Variants in ACAD11 observed in about 807,000 individuals in gnomAD.
ACAD11 encodes the protein acyl-Coenzyme A dehydrogenase family, member 11.
ACAD11 carries 83 observed loss-of-function variants against 102.2 expected under a neutral mutation model. The observed-to-expected ratio is 0.81, with a 90% confidence interval of 0.68 to 0.97. The LOEUF (loss-of-function observed/expected upper bound fraction) is 0.97. Among genes scored for constraint, ACAD11 ranks in the 50% least tolerant of loss-of-function variants. ACAD11 has a pLI of 0.00. For synonymous variants in ACAD11, 324 were observed against 319.8 expected, an observed-to-expected ratio of 1.01 and a Z score of -0.14; for missense variants, 901 against 951.7, an observed-to-expected ratio of 0.95 and a Z score of 0.70.
intron 1 of ACAD11, among the ~76,000 whole-genome samples, chr3:132,658,236 T>C (rs1200055187): frequency 1.3e-5 from 2 of 152,182 alleles, no homozygotes; most frequent in African/African-American, 4.8e-5. Context: ...CTATGTGTTT[T>C]CAATTTTTAT....
chr3:132,562,350 G>T (rs997496680), intron 17 of ACAD11, among the ~76,000 whole-genome samples: 6 of 152,168 alleles, frequency 3.9e-5, no homozygotes, highest in African/African-American at 1.4e-4. Flanking sequence ...TGATCTGCCT[G>T]CCTCGGCCTC....
At position 132,656,666 on chromosome 3, in the gene ACAD11, G is replaced by A. The variant is rs141805911; in HGVS notation, c.149+2937C>T. Among the ~76,000 whole-genome samples, 108 of 151,884 alleles carry A rather than the reference G, an allele frequency of 7.1e-4. 1 individual carries two copies. The highest frequency in any genetic ancestry group is 2.0e-3 in the African/African-American group (83 of 41,432). On this transcript the variant is annotated intron_variant, in intron 1 of 19. Coordinates refer to ENST00000264990, the MANE Select transcript of ACAD11 (RefSeq NM_032169.5). Reference sequence around the variant, plus strand: ...CCCACCACCACACCCAGCTAATTTCGTATTTTTAGTAGAGACGGGGTTTCA... The same window carrying A: ...CCCACCACCACACCCAGCTAATTTCATATTTTTAGTAGAGACGGGGTTTCA...
At chr3:132,622,299 C>A (rs961765691) in intron 9 of ACAD11, among the ~76,000 whole-genome samples, 2 of 152,122 alleles carry the variant, frequency 1.3e-5, no homozygotes, top group African/African-American at 2.4e-5. Context: ...AGGCAAAGGT[C>A]TGCTCTTTCA....
intron 13 of ACAD11, among the ~76,000 whole-genome samples, chr3:132,594,575 C>CT (rs2107811633): frequency 6.6e-6 from 1 of 152,200 alleles, no homozygotes; most frequent in South Asian, 2.1e-4. Context: ...TATAAGATAG[C>CT]TATGGAAGAT....
intron 13 of ACAD11, chr3:132,601,031 C>G: frequency 6.2e-6 from 10 of 1,613,652 alleles, no homozygotes; most frequent in Non-Finnish European, 8.5e-6. Context: ...ATTTGTAGTA[C>G]CCTTTCTTAT....
intron 1 of ACAD11, among the ~76,000 whole-genome samples, chr3:132,649,490 C>T (rs1189573183): frequency 6.6e-6 from 1 of 152,188 alleles, no homozygotes; most frequent in East Asian, 1.9e-4. Context: ...GGCATAGTAC[C>T]TTCCCTTGAA....
intron 11 of ACAD11, among the ~76,000 whole-genome samples, chr3:132,606,967 C>T (rs572165319): frequency 3.9e-5 from 6 of 152,312 alleles, no homozygotes; most frequent in African/African-American, 1.2e-4. Flanking sequence ...CTGCAGCCTC[C>T]ACTTGTGATA....
At chr3:132,619,940 T>C (rs529686102) in intron 9 of ACAD11, among the ~76,000 whole-genome samples, 1 of 152,344 alleles carries the variant, frequency 6.6e-6, no homozygotes, top group South Asian at 2.1e-4. Context: ...AGCCTGACTC[T>C]TCAAGTGTGA....
chr3:132,642,080 T>C lies in ACAD11; in HGVS notation c.429A>G (p.Ser143=), dbSNP rs1389381912. The part of the protein sequence containing the change: ...TIPGLSPAER[S]AIYVATVETL... Reference sequence around the variant, plus strand: ...TTTCTACCGTGGCCACATATATGGCTGAACGTTCTGCTGGGCTAAGTCCAG... The same window carrying C: ...TTTCTACCGTGGCCACATATATGGCCGAACGTTCTGCTGGGCTAAGTCCAG... The change falls in exon 4 of 20, where the codon TCA becomes TCG. Residue 143 remains serine, a synonymous_variant. Coordinates refer to ENST00000264990, the MANE Select transcript of ACAD11 (RefSeq NM_032169.5). 1 of 1,614,000 alleles carries C rather than the reference T, an allele frequency of 6.2e-7. No individual in the cohort carries two copies. Among genetic ancestry groups the C allele is most frequent in the Non-Finnish European group, 8.5e-7 (1 of 1,179,984 alleles).
chr3:132,565,947 C>G (rs1937196143), intron 17 of ACAD11, among the ~76,000 whole-genome samples: 1 of 152,096 alleles, frequency 6.6e-6, no homozygotes, highest in Non-Finnish European at 1.5e-5. Flanking sequence ...TATAAATCAC[C>G]CAGTCTCAGG....
chr3:132,655,761 T>C (rs986863836), intron 1 of ACAD11, among the ~76,000 whole-genome samples: 4 of 152,214 alleles, frequency 2.6e-5, no homozygotes, highest in African/African-American at 4.8e-5. Context: ...GGCAAGATTA[T>C]TGTTACATCC....
At chr3:132,633,872 G>T (rs1188779274) in intron 5 of ACAD11, among the ~76,000 whole-genome samples, 1 of 152,006 alleles carries the variant, frequency 6.6e-6, no homozygotes, top group Non-Finnish European at 1.5e-5. Flanking sequence ...AGCTGAAACT[G>T]GATCCCTTCC....
intron 15 of ACAD11, among the ~76,000 whole-genome samples, chr3:132,578,364 T>C (rs1392201057): frequency 1.3e-5 from 2 of 152,172 alleles, no homozygotes; most frequent in Non-Finnish European, 2.9e-5. Context: ...AAGGAAAATT[T>C]TGCACTCAAA....
At chr3:132,643,437 T>G (rs1321666815) in intron 2 of ACAD11, among the ~76,000 whole-genome samples, 1 of 152,120 alleles carries the variant, frequency 6.6e-6, no homozygotes, top group Non-Finnish European at 1.5e-5. Flanking sequence ...GCTTCCTTAA[T>G]TAGGACAGAT....
intron 1 of ACAD11, among the ~76,000 whole-genome samples, chr3:132,655,841 G>A (rs1306928895): frequency 6.6e-6 from 1 of 152,168 alleles, no homozygotes; most frequent in Non-Finnish European, 1.5e-5. Flanking sequence ...GTTGTATCAA[G>A]CTATATAATA....
chr3:132,643,899 T>G (rs979670578), intron 2 of ACAD11, among the ~76,000 whole-genome samples: 1 of 152,158 alleles, frequency 6.6e-6, no homozygotes, highest in Non-Finnish European at 1.5e-5. Flanking sequence ...TGCCCTGTTC[T>G]GGTGTGTTCA....
chr3:132,584,867 A>G (rs1290993591), intron 13 of ACAD11, among the ~76,000 whole-genome samples: 1 of 152,236 alleles, frequency 6.6e-6, no homozygotes, highest in African/African-American at 2.4e-5. Flanking sequence ...ATGGAAGAAC[A>G]TTCTATGCTC....
Position 132,628,462 on chromosome 3 carries a change from G to C in ACAD11, c.964-16C>G, listed in dbSNP as rs1033825351. On this transcript the variant is annotated splice_polypyrimidine_tract_variant and intron_variant, in intron 7 of 19. Coordinates refer to ENST00000264990, the MANE Select transcript of ACAD11 (RefSeq NM_032169.5). ...TATATACTCCCTATAAATAAACATA[G>C]AACAATTAAAATTCATTGAAAACCG... 2 of 1,522,836 alleles carry C rather than the reference G, an allele frequency of 1.3e-6. No homozygotes were observed. Among genetic ancestry groups the C allele is most frequent in the Non-Finnish European group, 1.8e-6 (2 of 1,116,526 alleles). 94.3% of individuals were successfully genotyped at this position (1,522,836 alleles called of 1,614,324 possible).
intron 8 of ACAD11, 117 bp from the exon 9 acceptor site, chr3:132,626,934 G>A: frequency 2.1e-6 from 2 of 948,934 alleles, no homozygotes; most frequent in Non-Finnish European, 3.0e-6. Context: ...CCCAGAAGGA[G>A]TAGCTGTATT....
Sources: allele counts gnomAD v4.1 joint callset (sites outside exome capture counted in the v4.1 genomes callset), GRCh38; gene constraint gnomAD v4.1.1; transcripts MANE v1.5; gene names NCBI Gene and HGNC (gene_info 2026-07-23, HGNC 2026-07-21).